The following NRXN3 variants were observed in gnomAD, a reference collection of about 807,000 sequenced individuals.
The protein encoded by NRXN3 is neurexin 3.
A neutral mutation model predicts 137.6 loss-of-function variants in NRXN3; 32 were observed. The observed-to-expected ratio is 0.23, with a 90% CI of 0.18 to 0.31. The LOEUF (loss-of-function observed/expected upper bound fraction) is 0.31. NRXN3 is among the 10% of genes least tolerant of loss of function. The probability of loss-of-function intolerance (pLI) is 1.00; values close to 1 mark genes in which losing one functional copy is unlikely to be tolerated. For missense variants in NRXN3, 1,574 were observed against 2,062.5 expected, an observed-to-expected ratio of 0.76 and a Z score of 4.59; for synonymous variants, 798 against 784.5, an observed-to-expected ratio of 1.02 and a Z score of -0.29.
chr14:79,219,302 T>G lies in NRXN3; in HGVS notation c.3262+231161T>G, dbSNP rs534555759. 1.8e-4 allele frequency among the ~76,000 whole-genome samples: 28 copies of G among 152,256 alleles called. 1 individual carries two copies. In the South Asian group the frequency reaches 5.8e-3, roughly 32 times the overall value. ...CCAGCTAATTTTATTTATTATTTAT[T>G]TATTTTTTTGTAGAGACAGGGTCTT... On this transcript the variant is annotated intron_variant, in intron 15 of 20. Transcript: ENST00000335750.
At chr14:78,410,597 T>C (rs1246123383) in intron 4 of NRXN3, among the ~76,000 whole-genome samples, 4 of 152,116 alleles carry the variant, frequency 2.6e-5, no homozygotes, top group Non-Finnish European at 4.4e-5. Flanking sequence ...GGTATCAGCA[T>C]ATGGGGAGAT....
At chr14:79,689,147 C>A (rs1194176674) in intron 17 of NRXN3, among the ~76,000 whole-genome samples, 1 of 151,940 alleles carries the variant, frequency 6.6e-6, no homozygotes, top group Non-Finnish European at 1.5e-5. Flanking sequence ...TTGAGTATAG[C>A]CATCACTTTC....
intron 15 of NRXN3, among the ~76,000 whole-genome samples, chr14:79,240,024 G>C (rs926659567): frequency 1.6e-4 from 25 of 152,174 alleles, no homozygotes; most frequent in African/African-American, 5.5e-4. Context: ...GGAATGGAGA[G>C]ATGTTGGTCA....
At chr14:79,705,187 G>C (rs1186821260) in intron 19 of NRXN3, among the ~76,000 whole-genome samples, 1 of 152,036 alleles carries the variant, frequency 6.6e-6, no homozygotes, top group Admixed American at 6.6e-5. Context: ...AGGGAAGTGG[G>C]GTCAGTTCTT....
At chr14:78,773,518 A>G (rs2098735067) in intron 8 of NRXN3, among the ~76,000 whole-genome samples, 1 of 152,180 alleles carries the variant, frequency 6.6e-6, no homozygotes, top group African/African-American at 2.4e-5. Context: ...CACAGAATTC[A>G]GCTCCCACAC....
At chr14:78,269,197 C>T (rs1357137610) in intron 2 of NRXN3, among the ~76,000 whole-genome samples, 1 of 152,196 alleles carries the variant, frequency 6.6e-6, no homozygotes, top group Non-Finnish European at 1.5e-5. Context: ...AAAGTCAGGC[C>T]TCAAAGCCAG....
At chr14:78,594,464 G>A (rs939485356) in intron 4 of NRXN3, among the ~76,000 whole-genome samples, 3 of 152,200 alleles carry the variant, frequency 2.0e-5, no homozygotes, top group Non-Finnish European at 4.4e-5. Context: ...TTGAAAATGA[G>A]GGTCTGGACC....
intron 4 of NRXN3, among the ~76,000 whole-genome samples, chr14:78,505,797 A>AC (rs547398653): frequency 1.3e-5 from 2 of 151,840 alleles, no homozygotes; most frequent in African/African-American, 4.8e-5. Context: ...GAAAATCTAT[A>AC]TTTTTTGAAA....
At chr14:78,440,781 A>G (rs1474380650) in intron 4 of NRXN3, among the ~76,000 whole-genome samples, 3 of 152,138 alleles carry the variant, frequency 2.0e-5, no homozygotes, top group Non-Finnish European at 2.9e-5. Flanking sequence ...GGTGTGCTGC[A>G]GGGATTGCTG....
intron 16 of NRXN3, among the ~76,000 whole-genome samples, chr14:79,477,978 A>G (rs1180665031): frequency 1.3e-5 from 2 of 152,048 alleles, no homozygotes; most frequent in Non-Finnish European, 2.9e-5. Context: ...GATGCAAAAC[A>G]TAAGGCATCC....
At chr14:79,556,922 C>T (rs140762863) in intron 16 of NRXN3, among the ~76,000 whole-genome samples, 48 of 152,270 alleles carry the variant, frequency 3.2e-4, no homozygotes, top group African/African-American at 1.0e-3. Context: ...TTAAAGACCA[C>T]TTCTTCCCTC....
intron 1 of NRXN3, among the ~76,000 whole-genome samples, chr14:78,205,650 C>G (rs2062115938): frequency 1.3e-5 from 2 of 152,016 alleles, no homozygotes; most frequent in Non-Finnish European, 2.9e-5. Context: ...GCATTAGAGA[C>G]AAAGATTGCT....
intron 15 of NRXN3, among the ~76,000 whole-genome samples, chr14:79,212,558 C>A (rs2067833449): frequency 6.6e-6 from 1 of 152,124 alleles, no homozygotes; most frequent in Non-Finnish European, 1.5e-5. Context: ...TCAGAGGATG[C>A]CAGGCCTGTT....
chr14:78,406,306 C>T (rs2153659943), intron 4 of NRXN3, among the ~76,000 whole-genome samples: 1 of 152,270 alleles, frequency 6.6e-6, no homozygotes, highest in South Asian at 2.1e-4. Flanking sequence ...ACCGAGTTGG[C>T]TTTATCCTCA....
chr14:78,486,510 C>T (rs528301934), intron 4 of NRXN3, among the ~76,000 whole-genome samples: 2 of 152,222 alleles, frequency 1.3e-5, no homozygotes, highest in South Asian at 4.1e-4. Context: ...GAGACAATGG[C>T]AGAGGAGAGT....
intron 15 of NRXN3, among the ~76,000 whole-genome samples, chr14:79,092,991 G>A (rs2049502185): frequency 6.6e-6 from 1 of 152,116 alleles, no homozygotes; most frequent in African/African-American, 2.4e-5. Context: ...ACCAGAGTAT[G>A]TCATCTGGAT....
chr14:78,721,275 G>T (rs953836213), intron 8 of NRXN3, among the ~76,000 whole-genome samples: 5 of 152,156 alleles, frequency 3.3e-5, no homozygotes, highest in African/African-American at 1.2e-4. Flanking sequence ...GTGCTATTGA[G>T]GAGGGGAATC....
At chr14:78,836,835 G>A (rs550948791) in intron 10 of NRXN3, among the ~76,000 whole-genome samples, 1 of 152,308 alleles carries the variant, frequency 6.6e-6, no homozygotes, top group South Asian at 2.1e-4. Flanking sequence ...AATAGACTAT[G>A]AGTAGGGAAG....
intron 2 of NRXN3, among the ~76,000 whole-genome samples, chr14:78,269,446 G>A (rs781591176): frequency 6.6e-6 from 1 of 152,126 alleles, no homozygotes; most frequent in Non-Finnish European, 1.5e-5. Context: ...AGTGGGAGGG[G>A]GTAAAGGGAA....
Sources: gnomAD v4.1 joint callset for allele counts (sites outside exome capture counted in the v4.1 genomes callset) on GRCh38, gnomAD v4.1.1 for gene constraint, MANE v1.5 for transcripts, NCBI Gene and HGNC (gene_info 2026-07-23, HGNC 2026-07-21) for gene names.